Variants in AP3B1 observed in about 807,000 individuals in gnomAD.
AP3B1 encodes adaptor related protein complex 3 subunit beta 1.
Under a neutral mutation model 132.5 loss-of-function variants are expected in AP3B1, and 61 were observed. The observed-to-expected ratio is 0.46, with a 90% confidence interval of 0.37 to 0.57. The LOEUF (loss-of-function observed/expected upper bound fraction) is 0.57, where lower values mean the gene tolerates loss of function less well. AP3B1 is among the 20% of genes least tolerant of loss of function. The probability of loss-of-function intolerance (pLI) is 0.00; values close to 1 mark genes in which losing one functional copy is unlikely to be tolerated. For synonymous variants in AP3B1, 388 were observed against 438.3 expected (o/e 0.89, Z 1.43); for missense variants, 1,120 against 1,289.4 (o/e 0.87, Z 2.01).
intron 23 of AP3B1, among the ~76,000 whole-genome samples, chr5:78,035,249 T>C (rs1747758235): frequency 6.6e-6 from 1 of 151,942 alleles, no homozygotes; most frequent in South Asian, 2.1e-4. Context: ...TTAGAATAAT[T>C]GAGGGGATCT....
chr5:78,210,922 T>C (rs189472796), intron 7 of AP3B1, among the ~76,000 whole-genome samples: 10 of 152,246 alleles, frequency 6.6e-5, no homozygotes, highest in Admixed American at 4.6e-4. Context: ...CATAATAGGC[T>C]TGAATGACAA....
chr5:78,045,610 C>A (rs1438379469), intron 22 of AP3B1, among the ~76,000 whole-genome samples: 1 of 152,074 alleles, frequency 6.6e-6, no homozygotes, highest in African/African-American at 2.4e-5. Flanking sequence ...TATATTTAGA[C>A]TTTAGTTCAA....
chr5:78,025,091 T>C (rs941258645), intron 24 of AP3B1, among the ~76,000 whole-genome samples: 28 of 152,284 alleles, frequency 1.8e-4, no homozygotes, highest in African/African-American at 6.7e-4. Context: ...TAATTACAAA[T>C]AAACTTCTAC....
At chr5:78,022,472 T>C (rs1158611530) in intron 24 of AP3B1, among the ~76,000 whole-genome samples, 1 of 152,192 alleles carries the variant, frequency 6.6e-6, no homozygotes, top group East Asian at 1.9e-4. Context: ...GAGTATCATA[T>C]ATAGTATGAC....
At chr5:78,096,204 G>C (rs1339735362) in intron 21 of AP3B1, among the ~76,000 whole-genome samples, 1 of 152,196 alleles carries the variant, frequency 6.6e-6, no homozygotes, top group Non-Finnish European at 1.5e-5. Flanking sequence ...GTGGAGACGG[G>C]GTTTCGCTGT....
At chr5:78,144,245 T>G (rs1753286087) in intron 14 of AP3B1, among the ~76,000 whole-genome samples, 1 of 152,188 alleles carries the variant, frequency 6.6e-6, no homozygotes, top group African/African-American at 2.4e-5. Context: ...TTATTCTAAA[T>G]GCCCTGAGAA....
At chr5:78,138,423 C>T (rs1487548621) in intron 15 of AP3B1, among the ~76,000 whole-genome samples, 2 of 151,620 alleles carry the variant, frequency 1.3e-5, no homozygotes, top group African/African-American at 4.8e-5. Context: ...GTCGAGATCA[C>T]GCCACTGTAC....
chr5:78,277,600 T>C (rs1222505784), intron 1 of AP3B1, among the ~76,000 whole-genome samples: 2 of 151,926 alleles, frequency 1.3e-5, no homozygotes, highest in Non-Finnish European at 2.9e-5. Flanking sequence ...AAAGAAATCA[T>C]ACAAGATAAC....
chr5:78,145,487 C>G (rs1753350500), intron 14 of AP3B1, among the ~76,000 whole-genome samples: 1 of 152,176 alleles, frequency 6.6e-6, no homozygotes, highest in Non-Finnish European at 1.5e-5. Flanking sequence ...AAAATTCATA[C>G]TGGATCACTG....
At chr5:78,225,220 T>C (rs919817906) in intron 6 of AP3B1, among the ~76,000 whole-genome samples, 1 of 152,074 alleles carries the variant, frequency 6.6e-6, no homozygotes, top group African/African-American at 2.4e-5. Flanking sequence ...AAGATACTAG[T>C]ACACTAGTAA....
At chr5:78,247,485 A>G (rs1264213827) in intron 2 of AP3B1, among the ~76,000 whole-genome samples, 1 of 150,716 alleles carries the variant, frequency 6.6e-6, no homozygotes, top group African/African-American at 2.4e-5. Context: ...GAATTTGTCA[A>G]TCTTTCCTGT....
intron 11 of AP3B1, among the ~76,000 whole-genome samples, chr5:78,168,877 A>C (rs753540416): frequency 6.6e-6 from 1 of 151,968 alleles, no homozygotes; most frequent in Non-Finnish European, 1.5e-5. Context: ...CTTTCTTTTA[A>C]CTTATATGAC....
chr5:78,081,581 G>A (rs971011997), intron 22 of AP3B1, among the ~76,000 whole-genome samples: 3 of 152,082 alleles, frequency 2.0e-5, no homozygotes, highest in Admixed American at 1.3e-4. Context: ...ACAGGCGTGA[G>A]CCACCGCACC....
chr5:78,163,652 T>C (rs148962473), intron 12 of AP3B1, among the ~76,000 whole-genome samples: 1,760 of 144,880 alleles, frequency 0.012, 40 homozygotes, highest in African/African-American at 0.041. Flanking sequence ...TATATATATA[T>C]ACACACACAC....
chr5:78,243,920 AT>A (rs1258011242), intron 2 of AP3B1, among the ~76,000 whole-genome samples: 8 of 152,236 alleles, frequency 5.3e-5, no homozygotes, highest in Non-Finnish European at 1.2e-4. Flanking sequence ...ATCATTAAAT[AT>A]TTAGCAATGA....
intron 11 of AP3B1, among the ~76,000 whole-genome samples, chr5:78,172,756 T>C (rs1321630976): frequency 1.3e-5 from 2 of 152,062 alleles, no homozygotes; most frequent in Admixed American, 1.3e-4. Flanking sequence ...ATTTCGTTAT[T>C]ATTGAAGGGT....
chr5:78,208,593 G>A (rs929349286), intron 7 of AP3B1, among the ~76,000 whole-genome samples: 3 of 152,034 alleles, frequency 2.0e-5, no homozygotes, highest in Non-Finnish European at 4.4e-5. Context: ...GACTCTAAAG[G>A]AATTTAGTAT....
intron 2 of AP3B1, among the ~76,000 whole-genome samples, chr5:78,266,663 A>T (rs1193242815): frequency 1.3e-5 from 2 of 152,218 alleles, no homozygotes; most frequent in Non-Finnish European, 2.9e-5. Context: ...TATAAAATTA[A>T]GTGGAAAATA....
At chr5:78,033,533 T>C (rs1421820294) in intron 24 of AP3B1, among the ~76,000 whole-genome samples, 21 of 152,044 alleles carry the variant, frequency 1.4e-4, no homozygotes, top group Admixed American at 1.1e-3. Context: ...TCAAGACTTT[T>C]AAATCATAAC....
Sources: gnomAD v4.1 joint callset for allele counts (sites outside exome capture counted in the v4.1 genomes callset) on GRCh38, gnomAD v4.1.1 for gene constraint, MANE v1.5 for transcripts, NCBI Gene and HGNC (gene_info 2026-07-23, HGNC 2026-07-21) for gene names.